The following AP1AR variants were observed in gnomAD, a reference collection of about 807,000 sequenced individuals.
AP1AR encodes adaptor related protein complex 1 associated regulatory protein, also known as AP-1 complex-associated regulatory protein.
A neutral mutation model predicts 46.3 loss-of-function variants in AP1AR; 29 were observed. That is an observed-to-expected ratio of 0.63 (90% CI 0.47 to 0.85). AP1AR has a LOEUF of 0.85. Ranked by LOEUF, AP1AR falls within the 40% of genes least tolerant of loss-of-function variation. AP1AR has a pLI of 0.00. For synonymous variants in AP1AR, 122 were observed against 122.9 expected (o/e 0.99, Z 0.05); for missense variants, 357 against 356.3 (o/e 1.00, Z -0.02).
chr4:112,235,019 A>T (rs954030478), intron 1 of AP1AR, among the ~76,000 whole-genome samples: 9 of 152,186 alleles, frequency 5.9e-5, no homozygotes, highest in Non-Finnish European at 1.2e-4. Context: ...ATATTCTAGG[A>T]TATCTGTTTC....
chr4:112,234,658 GTT>G (rs774999279), intron 1 of AP1AR, among the ~76,000 whole-genome samples: 1 of 141,808 alleles, frequency 7.1e-6, no homozygotes, highest in African/African-American at 2.6e-5. Context: ...TCTTATTTTA[GTT>G]TTTTTTTTTT....
Position 112,257,780 on chromosome 4 carries a change from C to G in AP1AR, c.168C>G (p.Ser56Arg). The change falls in exon 4 of 10, where the codon AGC becomes AGG. Residue 56 changes from serine to arginine, a missense_variant. Around this residue, in one of 2 missense-constraint regions of AP1AR, gnomAD observed 269 missense variants for 223.6 expected, o/e 1.20. Coordinates refer to ENST00000274000, the MANE Select transcript of AP1AR (RefSeq NM_018569.6). Reference sequence around the variant, plus strand: ...AATTAATTTTTGTACAGGGGGAGAGCCCAGGAAGCAGTCATAGGTAAGGCT... The same window carrying G: ...AATTAATTTTTGTACAGGGGGAGAGGCCAGGAAGCAGTCATAGGTAAGGCT... ...ENLVESDEGE[S>R]PGSSHRPLTE... The G allele has an allele frequency of 6.4e-7, 1 of 1,563,488 alleles. No homozygotes were observed. Among genetic ancestry groups the G allele is most frequent in the Non-Finnish European group, 8.6e-7 (1 of 1,158,730 alleles).
chr4:112,259,207 T>C (rs909374260), intron 4 of AP1AR, among the ~76,000 whole-genome samples: 4 of 152,144 alleles, frequency 2.6e-5, no homozygotes, highest in Non-Finnish European at 5.9e-5. Context: ...ATAGAAGCCA[T>C]TGATTACCTT....
chr4:112,232,193 G>T lies in AP1AR; in HGVS notation c.83+19G>T. On this transcript the variant is annotated intron_variant, in intron 1 of 9. Transcript: ENST00000274000. The stretch of plus-strand genomic sequence containing the variant: ...GCGGAGGGTAAGCCCGCTGGGGGAG[G>T]GGCCCGGCCCCCGTGGCTCCTCCTC... 1 of 1,266,826 alleles carries T rather than the reference G, an allele frequency of 7.9e-7. No individual in the cohort carries two copies. The highest frequency in any genetic ancestry group is 1.0e-6 in the Non-Finnish European group (1 of 999,072). 78.5% of individuals were successfully genotyped at this position (1,266,826 alleles called of 1,614,324 possible).
chr4:112,261,185 C>A (rs1436800448), intron 5 of AP1AR, among the ~76,000 whole-genome samples: 2 of 152,188 alleles, frequency 1.3e-5, no homozygotes, highest in Admixed American at 1.3e-4. Context: ...GTAATCCCAG[C>A]ACATTGGGTG....
chr4:112,252,989 TAGAA>T (rs1157546234), intron 1 of AP1AR, among the ~76,000 whole-genome samples: 1 of 152,148 alleles, frequency 6.6e-6, no homozygotes, highest in Non-Finnish European at 1.5e-5. Context: ...TTAGTGCCAA[TAGAA>T]AGAAATATTG....
intron 3 of AP1AR, among the ~76,000 whole-genome samples, chr4:112,257,036 T>G (rs969812462): frequency 6.6e-6 from 1 of 152,204 alleles, no homozygotes; most frequent in Admixed American, 6.5e-5. Context: ...AACTCATGCT[T>G]GTATGAAGCT....
At position 112,265,051 on chromosome 4, in the gene AP1AR, A is replaced by C; in HGVS notation, c.424A>C (p.Asn142His). ...TGTGCAGCAATATCATCCTTCCAACAATGGAGAATATCAAAGGTAAATAGT... is the reference window on the plus strand; with the variant it reads ...TGTGCAGCAATATCATCCTTCCAACCATGGAGAATATCAAAGGTAAATAGT... ...RIVQQYHPSN[N>H]GEYQSSGPED... Residue 142 changes from asparagine to histidine, a missense_variant, in exon 7 of 10, where the codon AAT (asparagine) becomes CAT (histidine). Asn to His is a moderately conservative substitution (Grantham distance 68). Transcript: ENST00000274000. 1.2e-6 allele frequency: 2 copies of C among 1,602,908 alleles called. No homozygotes were observed. The highest frequency in any genetic ancestry group is 1.7e-4 in the Middle Eastern group (1 of 6,022).
At position 112,272,983 on chromosome 4, in the gene AP1AR, A is replaced by G. The variant is rs968247176; in HGVS notation, c.*4574A>G. On this transcript the variant is annotated 3_prime_UTR_variant, in exon 10 of 10. Coordinates refer to ENST00000274000, the MANE Select transcript of AP1AR (RefSeq NM_018569.6). ...AAATATGTAGTGTTTTCCCATCTTC[A>G]TTTATTTGGTATTTCTGGTTAATTG... The G allele has an allele frequency of 2.6e-5, 4 of 152,054 alleles. No homozygotes were observed. The highest frequency in any genetic ancestry group is 5.9e-5 in the Non-Finnish European group (4 of 68,006). 9.4% of individuals were successfully genotyped at this position (152,054 alleles called of 1,614,324 possible).
intron 1 of AP1AR, among the ~76,000 whole-genome samples, chr4:112,247,318 T>C (rs1446324434): frequency 6.6e-6 from 1 of 152,226 alleles, no homozygotes; most frequent in Non-Finnish European, 1.5e-5. Flanking sequence ...AAAGTACTTT[T>C]ACTGATCTGA....
intron 1 of AP1AR, among the ~76,000 whole-genome samples, chr4:112,239,367 T>G (rs1165845298): frequency 6.6e-6 from 1 of 152,242 alleles, no homozygotes; most frequent in African/African-American, 2.4e-5. Flanking sequence ...CACTTCTCAC[T>G]CAGTCTTCAA....
rs961347620 is a variant in AP1AR, at chr4:112,270,076, G to A, written c.*1667G>A. 3 of 152,346 alleles carry A rather than the reference G, an allele frequency of 2.0e-5. No individual in the cohort carries two copies. Among genetic ancestry groups the A allele is most frequent in the African/African-American group, 7.3e-5 (3 of 41,358 alleles). The allele number at this position is 152,346 out of a possible 1,614,324, so 9.4% of individuals were successfully genotyped here. A position where few individuals can be genotyped will look rare whatever the true frequency, so the allele number is the denominator to read the frequency against. ...GGTAATAAGTTATTTGACTATTATT[G>A]GTTTTACTCCATAAACATGCAGGTA... On this transcript the variant is annotated 3_prime_UTR_variant, in exon 10 of 10. Transcript: ENST00000274000.
Position 112,231,965 on chromosome 4 carries a change from T to C in AP1AR, c.-127T>C, listed in dbSNP as rs1725019631. ...GCCCCGTGCCCTCACGCCGCCGGGCTCTGGCCGGCCCGCCCTCGGTCCTTG... is the reference window on the plus strand; with the variant it reads ...GCCCCGTGCCCTCACGCCGCCGGGCCCTGGCCGGCCCGCCCTCGGTCCTTG... On this transcript the variant is annotated 5_prime_UTR_variant, in exon 1 of 10. Transcript: ENST00000274000. 3 of 863,242 alleles carry C rather than the reference T, an allele frequency of 3.5e-6. No individual in the cohort carries two copies. The highest frequency in any genetic ancestry group is 4.7e-6 in the Non-Finnish European group (3 of 638,088). 53.5% of individuals were successfully genotyped at this position (863,242 alleles called of 1,614,324 possible).
intron 1 of AP1AR, among the ~76,000 whole-genome samples, chr4:112,237,273 AT>A (rs1362415467): frequency 6.6e-6 from 1 of 151,712 alleles, no homozygotes; most frequent in Non-Finnish European, 1.5e-5. Flanking sequence ...CACCTGGCTA[AT>A]TTTTGTATTT....
intron 1 of AP1AR, among the ~76,000 whole-genome samples, chr4:112,236,011 T>C (rs971480389): frequency 6.6e-6 from 1 of 152,044 alleles, no homozygotes; most frequent in Non-Finnish European, 1.5e-5. Context: ...TTCCTTCATA[T>C]GTGTATTACC....
Position 112,260,779 on chromosome 4 carries a change from G to C in AP1AR, c.199G>C (p.Glu67Gln). Residue 67 changes from glutamate (E) to glutamine (Q), a missense_variant, in exon 5 of 10, where the codon GAA becomes CAA. Around this residue, in one of 2 missense-constraint regions of AP1AR, gnomAD observed 269 missense variants for 223.6 expected, o/e 1.20. Transcript: ENST00000274000. ...TTTTTTCTCTAGGCCTCTTACTGAG[G>C]AAGAAATTGTTGACCTAAGAGAAAG... is the stretch of plus-strand genomic sequence containing the variant. The part of the protein sequence containing the change: ...PGSSHRPLTE[E>Q]EIVDLRERHY... 1 of 1,592,636 alleles carries C rather than the reference G, an allele frequency of 6.3e-7. No homozygotes were observed. The highest frequency in any genetic ancestry group is 8.5e-7 in the Non-Finnish European group (1 of 1,171,042).
Position 112,232,128 on chromosome 4 carries a change from C to T in AP1AR, c.37C>T (p.Leu13Phe), listed in dbSNP as rs530281222. ...CTGCTGGACGCAGTGCTTCGGACTG[C>T]TTCGCAAGGAAGCGGGGCGGCTGCA... ...NCCWTQCFGL[L>F]RKEAGRLQRV... is the part of the protein sequence containing the mutation. Residue 13 changes from leucine (L) to phenylalanine (F), a missense_variant, in exon 1 of 10, where the codon CTT becomes TTT. By Grantham distance (22) the Leu-to-Phe change is conservative. This residue lies in a region of AP1AR where 269 missense variants were observed against 223.6 expected (regional missense o/e 1.20). Coordinates refer to ENST00000274000, the MANE Select transcript of AP1AR (RefSeq NM_018569.6). The T allele has an allele frequency of 8.6e-6, 11 of 1,285,534 alleles. No individual in the cohort carries two copies. The East Asian group carries it at 9.3e-5, about 11-fold the overall frequency. The allele number at this position is 1,285,534 out of a possible 1,614,324, so 79.6% of individuals were successfully genotyped here. A position where few individuals can be genotyped will look rare whatever the true frequency, so the allele number is the denominator to read the frequency against.
rs1053995314 is a variant in AP1AR at position 112,247,762 on chromosome 4, C to T, written c.84-5446C>T. On this transcript the variant is annotated intron_variant, in intron 1 of 9. Transcript: ENST00000274000. ...GTCAGCGTGTCTTTTAAGGATCTTC[C>T]AGTGAAGTTGTTACAGCTAATAGAT... Among the ~76,000 whole-genome samples, 5 of 152,100 alleles carry T rather than the reference C, an allele frequency of 3.3e-5. No individual in the cohort carries two copies. The South Asian group carries it at 1.0e-3, about 31-fold the overall frequency.
At chr4:112,242,919 A>T (rs977335661) in intron 1 of AP1AR, among the ~76,000 whole-genome samples, 1 of 152,216 alleles carries the variant, frequency 6.6e-6, no homozygotes, top group Admixed American at 6.5e-5. Context: ...TCCATGGATG[A>T]CTTGGAGGAA....
Sources: allele counts gnomAD v4.1 joint callset (sites outside exome capture counted in the v4.1 genomes callset), GRCh38; gene constraint gnomAD v4.1.1; regional missense constraint gnomAD v4.1.1; transcripts MANE v1.5; gene names NCBI Gene and HGNC (gene_info 2026-07-23, HGNC 2026-07-21).